Variants in MEI1 observed in about 807,000 individuals in gnomAD.
MEI1 encodes the protein meiotic double-stranded break formation protein 1, also known as meiosis inhibitor protein 1.
A neutral mutation model predicts 146.2 loss-of-function variants in MEI1; 103 were observed. The ratio of observed to expected loss-of-function variants is 0.70; its 90% CI spans 0.60 to 0.83. The LOEUF is 0.83. Among genes scored for constraint, MEI1 ranks in the 40% least tolerant of loss-of-function variants. The pLI, the probability that MEI1 is intolerant of heterozygous loss-of-function variation, is 0.00. For missense variants in MEI1, 1,529 were observed against 1,533.0 expected (o/e 1.00, Z 0.04); for synonymous variants, 652 against 628.2 (o/e 1.04, Z -0.57).
intron 26 of MEI1, among the ~76,000 whole-genome samples, chr22:41,789,764 C>T (rs1240297129): frequency 2.6e-5 from 4 of 152,138 alleles, no homozygotes; most frequent in African/African-American, 7.2e-5. Flanking sequence ...ACTGTCTGTC[C>T]TCAACAGTCC....
chr22:41,797,123 G>A (rs777737430), intron 30 of MEI1, among the ~76,000 whole-genome samples: 4 of 151,866 alleles, frequency 2.6e-5, no homozygotes, highest in Admixed American at 6.6e-5. Context: ...TCAGCCCTCC[G>A]AGTAGCTGAG....
rs148151143 is a variant in MEI1 at position 41,750,400 on chromosome 22, C to T, written c.1792+2182C>T. ...AGTAAGATGAAGATTGAAAAATGTCCATTGGACTTGGCTTCATGGCAGCTT... is the reference window on the plus strand; with the variant it reads ...AGTAAGATGAAGATTGAAAAATGTCTATTGGACTTGGCTTCATGGCAGCTT... On this transcript the variant is annotated intron_variant, in intron 15 of 30. Coordinates refer to ENST00000401548, the MANE Select transcript of MEI1 (RefSeq NM_152513.4). Among the ~76,000 whole-genome samples, 9 of 152,294 alleles carry T rather than the reference C, an allele frequency of 5.9e-5. No homozygotes were observed. The East Asian group carries it at 1.7e-3, about 29-fold the overall frequency.
chr22:41,752,690 C>G (rs2073848401), intron 16 of MEI1, 39 bp downstream of exon 16: 2 of 1,536,904 alleles, frequency 1.3e-6, no homozygotes, highest in Non-Finnish European at 1.8e-6. Flanking sequence ...GGCCAAGGGG[C>G]CAATGTCCCT....
At chr22:41,744,424 G>T (rs1185608746) in intron 12 of MEI1, among the ~76,000 whole-genome samples, 1 of 150,912 alleles carries the variant, frequency 6.6e-6, no homozygotes, top group African/African-American at 2.4e-5. Flanking sequence ...TGCCTGCCTT[G>T]GCCTCCCAAA....
At chr22:41,791,027 T>C (rs935370373) in intron 26 of MEI1, among the ~76,000 whole-genome samples, 2 of 152,084 alleles carry the variant, frequency 1.3e-5, no homozygotes, top group Non-Finnish European at 2.9e-5. Context: ...GACAACAGCA[T>C]GTATAAAATC....
intron 11 of MEI1, among the ~76,000 whole-genome samples, chr22:41,738,357 G>C (rs943246363): frequency 6.6e-6 from 1 of 152,200 alleles, no homozygotes; most frequent in Non-Finnish European, 1.5e-5. Context: ...GGGAGGCCGA[G>C]GCGGGCGGAT....
rs1043792591 is a variant in MEI1 at position 41,732,244 on chromosome 22, G to C, written c.1097-1G>C. On this transcript the variant is annotated splice_acceptor_variant, in intron 9 of 30. Transcript: ENST00000401548. LOFTEE classifies it high-confidence loss of function. ...GCCTCTGTCATGTCATCCTGTGGTA[G>C]GGATCGAGGCAGTGGTGAGGAGCCT... The C allele has an allele frequency of 6.2e-7, 1 of 1,606,940 alleles. No individual in the cohort carries two copies. The highest frequency in any genetic ancestry group is 8.5e-7 in the Non-Finnish European group (1 of 1,176,836).
chr22:41,794,408 G>A lies in MEI1; in HGVS notation c.3465G>A (p.Leu1155=). 1.2e-6 allele frequency: 2 copies of A among 1,613,966 alleles called. No individual in the cohort carries two copies. The highest frequency in any genetic ancestry group is 2.2e-5 in the East Asian group (1 of 44,880). ...HVASQPWNRF[L]LFTLLDAGEN... ...CCTCCCAGCCTTGGAATCGGTTTTTGCTGTTTACCCTCTTGGATGCTGGAG... is the reference window on the plus strand; with the variant it reads ...CCTCCCAGCCTTGGAATCGGTTTTTACTGTTTACCCTCTTGGATGCTGGAG... The change falls in exon 28 of 31, where the codon TTG becomes TTA. Residue 1155 remains leucine (L), a synonymous_variant. Coordinates refer to ENST00000401548, the MANE Select transcript of MEI1 (RefSeq NM_152513.4).
chr22:41,699,825 CGCG>C lies in MEI1; in HGVS notation c.174+114_174+116del, dbSNP rs767064996. On this transcript the variant is annotated intron_variant, in intron 1 of 30. Transcript: ENST00000401548. Reference sequence around the variant, plus strand: ...TGAACCCGACGCGAAACCGGGCCCCCGCGCTGTGTTCACTCTCCTCCCTGTCAG... The same window carrying C: ...TGAACCCGACGCGAAACCGGGCCCCCCTGTGTTCACTCTCCTCCCTGTCAG... The C allele has an allele frequency of 3.8e-6, 5 of 1,308,616 alleles. No homozygotes were observed. In the South Asian group the frequency reaches 6.0e-5, roughly 16 times the overall value. 81.1% of individuals were successfully genotyped at this position (1,308,616 alleles called of 1,614,324 possible). A position where few individuals can be genotyped will look rare whatever the true frequency, so the allele number is the denominator to read the frequency against.
At chr22:41,701,214 A>C (rs1050406133) in intron 1 of MEI1, among the ~76,000 whole-genome samples, 6 of 151,890 alleles carry the variant, frequency 4.0e-5, no homozygotes, top group African/African-American at 1.5e-4. Flanking sequence ...GTTGGGATTA[A>C]AGACGTGAGC....
At chr22:41,703,481 G>T (rs2068860956) in intron 2 of MEI1, 27 bp downstream of exon 2, 1 of 1,537,138 alleles carries the variant, frequency 6.5e-7, no homozygotes, top group Non-Finnish European at 8.8e-7. Context: ...AATTTGACAT[G>T]AGTTTTGAAT....
chr22:41,721,185 G>A (rs1192024719), intron 6 of MEI1, among the ~76,000 whole-genome samples: 5 of 143,372 alleles, frequency 3.5e-5, no homozygotes, highest in Non-Finnish European at 6.0e-5. Context: ...GGATATGTCC[G>A]CCTCGGCCTC....
chr22:41,699,532 C>G lies in MEI1; in HGVS notation c.-7C>G. On this transcript the variant is annotated 5_prime_UTR_variant, in exon 1 of 31. Transcript: ENST00000401548. ...GAGTGCCGCCTCAGCTGAGGGCAAG[C>G]GAGGAGATGGCTGTGAGGCAGGCGG... The G allele has an allele frequency of 6.2e-7, 1 of 1,604,660 alleles. No individual in the cohort carries two copies. Among genetic ancestry groups the G allele is most frequent in the Non-Finnish European group, 8.5e-7 (1 of 1,177,158 alleles).
intron 9 of MEI1, among the ~76,000 whole-genome samples, chr22:41,731,824 G>A (rs1305628232): frequency 6.6e-6 from 1 of 152,168 alleles, no homozygotes; most frequent in Admixed American, 6.6e-5. Flanking sequence ...ATTTCATTAT[G>A]AGCTGATTAG....
At chr22:41,716,564 CG>C (rs1319880849) in intron 5 of MEI1, among the ~76,000 whole-genome samples, 2 of 150,608 alleles carry the variant, frequency 1.3e-5, no homozygotes, top group African/African-American at 2.4e-5. Flanking sequence ...TTGGTAGAGA[CG>C]GGGTTTCTCC....
intron 20 of MEI1, among the ~76,000 whole-genome samples, chr22:41,775,594 C>CT (rs532068296): frequency 0.016 from 2,104 of 134,608 alleles, 36 homozygotes; most frequent in Admixed American, 0.052. Context: ...TGGACCTATT[C>CT]TTTTTTTTTT....
At position 41,793,832 on chromosome 22, in the gene MEI1, G is replaced by A. The variant is rs1274504625; in HGVS notation, c.3349G>A (p.Asp1117Asn). Residue 1117 changes from aspartate to asparagine, a missense_variant, in exon 27 of 31, where the codon GAC becomes AAC. Asp to Asn is a conservative substitution (Grantham distance 23). Coordinates refer to ENST00000401548, the MANE Select transcript of MEI1 (RefSeq NM_152513.4). ...TTTTTTTTTTTTTTTTCTGCAGAAG[G>A]ACCCTCTATTGTCCCAGGCCTGTGT... ...IGLQNLLVQK[D>N]PLLSQACVGC... 1.3e-6 allele frequency: 2 copies of A among 1,588,076 alleles called. No homozygotes were observed. Among genetic ancestry groups the A allele is most frequent in the African/African-American group, 2.7e-5 (2 of 72,876 alleles).
chr22:41,771,738 G>C (rs192015909), intron 20 of MEI1, among the ~76,000 whole-genome samples: 2 of 152,146 alleles, frequency 1.3e-5, no homozygotes, highest in Non-Finnish European at 2.9e-5. Context: ...AAACTGCCTA[G>C]TGGCTGGCTT....
chr22:41,781,793 C>T lies in MEI1; in HGVS notation c.3035C>T (p.Ala1012Val). 1.2e-6 allele frequency: 2 copies of T among 1,613,982 alleles called. No homozygotes were observed. The highest frequency in any genetic ancestry group is 1.7e-5 in the Admixed American group (1 of 60,030). Residue 1012 changes from alanine (A) to valine (V), a missense_variant, in exon 24 of 31, where the codon GCC becomes GTC. By Grantham distance (64) the Ala-to-Val change is moderately conservative. Around this residue, in one of 3 missense-constraint regions of MEI1, gnomAD observed 313 missense variants for 337.3 expected, o/e 0.93. Coordinates refer to ENST00000401548, the MANE Select transcript of MEI1 (RefSeq NM_152513.4). Reference sequence around the variant, plus strand: ...CCCAGGACTGCACTCCTCTGCTCTGCCTGGCTGCTCACTGCCTCCTTCTCT... The same window carrying T: ...CCCAGGACTGCACTCCTCTGCTCTGTCTGGCTGCTCACTGCCTCCTTCTCT... ...DSPRTALLCS[A>V]WLLTASFSAQ...
Sources: gnomAD v4.1 joint callset for allele counts (sites outside exome capture counted in the v4.1 genomes callset) on GRCh38, gnomAD v4.1.1 for gene constraint, gnomAD v4.1.1 regional missense constraint, MANE v1.5 for transcripts, NCBI Gene and HGNC (gene_info 2026-07-23, HGNC 2026-07-21) for gene names.